GOT1: variants seen among roughly 807,000 people sequenced by gnomAD.
GOT1 encodes the protein glutamic-oxaloacetic transaminase 1.
Under a neutral mutation model 48.2 loss-of-function variants are expected in GOT1, and 25 were observed. The ratio of observed to expected loss-of-function variants is 0.52; its 90% CI spans 0.38 to 0.72. The LOEUF is 0.72. Ranked by LOEUF, GOT1 falls within the 30% of genes least tolerant of loss-of-function variation. The probability of loss-of-function intolerance (pLI) is 0.00; values close to 1 mark genes in which losing one functional copy is unlikely to be tolerated. For missense variants in GOT1, 380 were observed against 520.1 expected (o/e 0.73, Z 2.62); for synonymous variants, 188 against 193.8 (o/e 0.97, Z 0.25).
At chr10:99,407,468 T>C (rs1366056536) in intron 2 of GOT1, among the ~76,000 whole-genome samples, 1 of 151,430 alleles carries the variant, frequency 6.6e-6, no homozygotes, top group Admixed American at 6.6e-5. Context: ...AGTCTCATTC[T>C]GTCACCTAGG....
chr10:99,397,699 A>C lies in GOT1; in HGVS notation c.1103-13T>G. ...TCAACCTGCTTGGCTGTTGAAAACC[A>C]AAAGAAGACATAATCAGAGCAGAGG... On this transcript the variant is annotated splice_polypyrimidine_tract_variant and intron_variant, in intron 8 of 8. Coordinates refer to ENST00000370508, the MANE Select transcript of GOT1 (RefSeq NM_002079.3). The surrounding 1 kb of genome is among the most constrained non-coding windows in gnomAD (Gnocchi z 5.4). The C allele has an allele frequency of 6.2e-7, 1 of 1,613,516 alleles. No homozygotes were observed. Among genetic ancestry groups the C allele is most frequent in the Non-Finnish European group, 8.5e-7 (1 of 1,179,432 alleles).
intron 1 of GOT1, among the ~76,000 whole-genome samples, chr10:99,422,588 G>A (rs1378138888): frequency 6.6e-6 from 1 of 151,964 alleles, no homozygotes; most frequent in East Asian, 1.9e-4. Context: ...TAGGTGACAT[G>A]TTTGCATGTC....
chr10:99,401,835 T>C (rs1285615690), intron 8 of GOT1, among the ~76,000 whole-genome samples: 3 of 150,598 alleles, frequency 2.0e-5, no homozygotes, highest in Non-Finnish European at 4.4e-5. Context: ...TGAGACGGAG[T>C]CTCGCTCTGT....
chr10:99,420,538 C>CGTTA (rs2032952539), intron 2 of GOT1, 86 bp downstream of exon 2: 1 of 1,009,230 alleles, frequency 9.9e-7, no homozygotes, highest in Admixed American at 2.5e-5. Context: ...ATAGACATAA[C>CGTTA]GCCTAATATT....
In GOT1 at chr10:99,397,713, T is replaced by A. The variant is rs2032619422; in HGVS notation, c.1103-27A>T. ...TGTTGAAAACCAAAAGAAGACATAATCAGAGCAGAGGGGATCCTTAAAGCA... is the reference window on the plus strand; with the variant it reads ...TGTTGAAAACCAAAAGAAGACATAAACAGAGCAGAGGGGATCCTTAAAGCA... On this transcript the variant is annotated intron_variant, in intron 8 of 8. Coordinates refer to ENST00000370508, the MANE Select transcript of GOT1 (RefSeq NM_002079.3). This position sits in a 1 kb window ranked among gnomAD's most constrained non-coding sequence, Gnocchi z 5.4. The A allele has an allele frequency of 6.2e-7, 1 of 1,612,148 alleles. No homozygotes were observed. Among genetic ancestry groups the A allele is most frequent in the Non-Finnish European group, 8.5e-7 (1 of 1,178,382 alleles).
At chr10:99,403,384 AAGGAAGAGACCC>A in intron 7 of GOT1, 73 bp downstream of exon 7, 2 of 1,109,414 alleles carry the variant, frequency 1.8e-6, no homozygotes, top group South Asian at 3.2e-5. Flanking sequence ...GCCAAAATGA[AAGGAAGAGACCC>A]AGTTAAATGT....
chr10:99,414,684 G>C (rs1286007773), intron 2 of GOT1, among the ~76,000 whole-genome samples: 2 of 152,014 alleles, frequency 1.3e-5, no homozygotes, highest in African/African-American at 4.8e-5. Flanking sequence ...TGACCACATA[G>C]TTGGAAGTAA....
At chr10:99,407,212 C>A (rs539161391) in intron 2 of GOT1, among the ~76,000 whole-genome samples, 3 of 152,088 alleles carry the variant, frequency 2.0e-5, no homozygotes, top group African/African-American at 7.2e-5. Context: ...TGTGCATGCA[C>A]GCACATGCCT....
At chr10:99,413,973 C>T (rs1236339510) in intron 2 of GOT1, among the ~76,000 whole-genome samples, 1 of 152,144 alleles carries the variant, frequency 6.6e-6, no homozygotes, top group African/African-American at 2.4e-5. Flanking sequence ...CCGGTACCAG[C>T]CACTGCAAAA....
At position 99,397,588 on chromosome 10, in the gene GOT1, C is replaced by T. The variant is rs371927397; in HGVS notation, c.1201G>A (p.Val401Met). 8.1e-6 allele frequency: 13 copies of T among 1,613,976 alleles called. No homozygotes were observed. Among genetic ancestry groups the T allele is most frequent in the East Asian group, 2.2e-5 (1 of 44,888 alleles). Residue 401 changes from valine to methionine, a missense_variant, in exon 9 of 9, where the codon GTG becomes ATG. Physicochemically the swap from Val to Met is conservative, Grantham distance 21 (BLOSUM62 1). Transcript: ENST00000370508. The surrounding 1 kb of genome is among the most constrained non-coding windows in gnomAD (Gnocchi z 5.4). The stretch of plus-strand genomic sequence containing the variant: ...ACTGCTTCATGGATGGAGGTGGCCA[C>T]GTAATCTAGATTTTTGGTGGTTAAG... ...SGLTTKNLDY[V>M]ATSIHEAVTK...
At position 99,397,576 on chromosome 10, in the gene GOT1, T is replaced by A. The variant is rs1262705228; in HGVS notation, c.1213A>T (p.Ile405Phe). 1.9e-6 allele frequency: 3 copies of A among 1,614,026 alleles called. No homozygotes were observed. The African/African-American group carries it at 4.0e-5, about 22-fold the overall frequency. ...TGGATTTTGGTGACTGCTTCATGGA[T>A]GGAGGTGGCCACGTAATCTAGATTT... ...TKNLDYVATS[I>F]HEAVTKIQ Residue 405 changes from isoleucine (I) to phenylalanine (F), a missense_variant, in exon 9 of 9, where the codon ATC becomes TTC. Physicochemically the swap from Ile to Phe is conservative, Grantham distance 21. Coordinates refer to ENST00000370508, the MANE Select transcript of GOT1 (RefSeq NM_002079.3). This position sits in a 1 kb window ranked among gnomAD's most constrained non-coding sequence, Gnocchi z 5.4.
chr10:99,429,682 ATCT>A (rs2033090182), intron 1 of GOT1, among the ~76,000 whole-genome samples: 2 of 152,172 alleles, frequency 1.3e-5, no homozygotes, highest in Non-Finnish European at 1.5e-5. Flanking sequence ...TCCAATATAA[ATCT>A]TCTTGGCAGA....
At position 99,420,702 on chromosome 10, in the gene GOT1, G is replaced by A; in HGVS notation, c.222C>T (p.Ile74=). The A allele has an allele frequency of 6.2e-7, 1 of 1,614,044 alleles. No homozygotes were observed. Among genetic ancestry groups the A allele is most frequent in the Middle Eastern group, 1.6e-4 (1 of 6,062 alleles). The stretch of plus-strand genomic sequence containing the variant: ...AGCTCCGGAACTCAGCCAGGCCCAG[G>A]ATTGGCAGATACTCGTGATTTAGGC... ...DNSLNHEYLP[I]LGLAEFRSCA... is the part of the protein sequence containing the mutation. The change falls in exon 2 of 9, where the codon ATC becomes ATT. Residue 74 remains isoleucine, a synonymous_variant. Transcript: ENST00000370508.
intron 7 of GOT1, 62 bp from the exon 8 acceptor site, chr10:99,402,784 A>C: frequency 1.4e-6 from 2 of 1,427,796 alleles, no homozygotes. Context: ...CCGAAAACAC[A>C]CAGGTTTAAA....
intron 1 of GOT1, among the ~76,000 whole-genome samples, chr10:99,423,474 C>T (rs868409860): frequency 6.6e-6 from 1 of 152,142 alleles, no homozygotes; most frequent in Non-Finnish European, 1.5e-5. Flanking sequence ...GCTAACTCTA[C>T]CCTCCAGGAA....
intron 2 of GOT1, among the ~76,000 whole-genome samples, chr10:99,410,924 G>A (rs1305532458): frequency 6.6e-6 from 1 of 152,170 alleles, no homozygotes; most frequent in Non-Finnish European, 1.5e-5. Context: ...GGCCTCTGTT[G>A]GACATGTCAG....
intron 1 of GOT1, among the ~76,000 whole-genome samples, chr10:99,427,855 C>T (rs938003426): frequency 1.7e-4 from 26 of 152,208 alleles, no homozygotes; most frequent in African/African-American, 6.0e-4. Context: ...AATTGCTTCA[C>T]CTCTCCAGTC....
intron 2 of GOT1, among the ~76,000 whole-genome samples, chr10:99,418,606 AT>A (rs1290513016): frequency 6.6e-6 from 1 of 151,750 alleles, no homozygotes; most frequent in Non-Finnish European, 1.5e-5. Context: ...GGGTCAAGCA[AT>A]CCTCCCACCT....
rs1344917403 is a variant in GOT1 at position 99,403,529 on chromosome 10, G to A, written c.899C>T (p.Pro300Leu). ...GGCCACAATTCGTGCTCCCTGGGCG[G>A]GGGGATTGGACCAAGTAATCCGCAC... ...KIVRITWSNP[P>L]AQGARIVAST... The change falls in exon 7 of 9, where the codon CCC (proline) becomes CTC (leucine). Residue 300 changes from proline (P) to leucine (L), a missense_variant. Transcript: ENST00000370508. The A allele has an allele frequency of 3.1e-6, 5 of 1,614,162 alleles. No homozygotes were observed. Among genetic ancestry groups the A allele is most frequent in the Non-Finnish European group, 4.2e-6 (5 of 1,180,012 alleles).
Sources: gnomAD v4.1 joint callset for allele counts (sites outside exome capture counted in the v4.1 genomes callset) on GRCh38, gnomAD v4.1.1 for gene constraint, Gnocchi (gnomAD v3.1) non-coding constraint, MANE v1.5 for transcripts, NCBI Gene and HGNC (gene_info 2026-07-23, HGNC 2026-07-21) for gene names.